Variants in COLEC12 observed in about 807,000 individuals in gnomAD.
COLEC12 encodes collectin subfamily member 12, also known as collectin-12.
Under a neutral mutation model 71.1 loss-of-function variants are expected in COLEC12, and 33 were observed. That is an observed-to-expected ratio of 0.46 (90% CI 0.35 to 0.62). The LOEUF (loss-of-function observed/expected upper bound fraction) is 0.62. COLEC12 is among the 20% of genes least tolerant of loss of function. The probability of loss-of-function intolerance (pLI) is 0.00; values close to 1 mark genes in which losing one functional copy is unlikely to be tolerated. For synonymous variants in COLEC12, 350 were observed against 353.0 expected (o/e 0.99, Z 0.10); for missense variants, 765 against 916.1 (o/e 0.84, Z 2.13).
intron 2 of COLEC12, among the ~76,000 whole-genome samples, chr18:426,446 A>G (rs893001547): frequency 5.3e-5 from 8 of 152,162 alleles, no homozygotes; most frequent in African/African-American, 1.9e-4. Context: ...TTACTCATAG[A>G]CATGAGTAAA....
At chr18:382,770 T>G (rs1915262052) in intron 2 of COLEC12, among the ~76,000 whole-genome samples, 1 of 152,158 alleles carries the variant, frequency 6.6e-6, no homozygotes, top group Admixed American at 6.5e-5. Context: ...TCTTTTCTCC[T>G]TTTTGCTGAT....
At chr18:336,103 A>T (rs1914113063) in intron 5 of COLEC12, among the ~76,000 whole-genome samples, 1 of 152,228 alleles carries the variant, frequency 6.6e-6, no homozygotes, top group Non-Finnish European at 1.5e-5. Context: ...AAGGAGATTG[A>T]TGTATTAATT....
chr18:392,956 A>T (rs2143593861), intron 2 of COLEC12, among the ~76,000 whole-genome samples: 1 of 152,366 alleles, frequency 6.6e-6, no homozygotes, highest in South Asian at 2.1e-4. Context: ...GCTCAAGTTC[A>T]TTGCCTGCTA....
At chr18:496,314 T>G (rs956582656) in intron 1 of COLEC12, among the ~76,000 whole-genome samples, 14 of 152,282 alleles carry the variant, frequency 9.2e-5, no homozygotes, top group Admixed American at 5.9e-4. Context: ...GGAAATTGCA[T>G]AGGAGACCAC....
intron 2 of COLEC12, among the ~76,000 whole-genome samples, chr18:440,398 CACAT>C (rs1426464074): frequency 3.2e-4 from 49 of 151,926 alleles, no homozygotes; most frequent in Admixed American, 1.2e-3. Flanking sequence ...CACACACACA[CACAT>C]ACACAGGTAA....
intron 2 of COLEC12, among the ~76,000 whole-genome samples, chr18:360,832 A>C (rs1914728809): frequency 6.6e-6 from 1 of 152,084 alleles, no homozygotes; most frequent in Non-Finnish European, 1.5e-5. Context: ...AGAGTAAATA[A>C]ACTTGTTTAT....
intron 2 of COLEC12, among the ~76,000 whole-genome samples, chr18:376,054 G>C (rs1915106419): frequency 6.6e-6 from 1 of 152,182 alleles, no homozygotes; most frequent in Non-Finnish European, 1.5e-5. Flanking sequence ...CTGGCAGAGA[G>C]AGGATTCAAA....
intron 2 of COLEC12, among the ~76,000 whole-genome samples, chr18:442,724 G>A (rs745308949): frequency 2.0e-5 from 3 of 152,246 alleles, no homozygotes; most frequent in Non-Finnish European, 4.4e-5. Context: ...TACTTTGGGA[G>A]GCCAAGGCAG....
In COLEC12 at chr18:408,994, A is replaced by C. The variant is rs937377000; in HGVS notation, c.59-51472T>G. Among the ~76,000 whole-genome samples, 1 of 151,772 alleles carries C rather than the reference A, an allele frequency of 6.6e-6. No homozygotes were observed. Among genetic ancestry groups the C allele is most frequent in the African/African-American group, 2.4e-5 (1 of 41,250 alleles). On this transcript the variant is annotated intron_variant, in intron 2 of 9. Transcript: ENST00000400256. The surrounding 1 kb of genome is among the most constrained non-coding windows in gnomAD (Gnocchi z 4.3). ...ATTACAGGCACATACCACCACGCCT[A>C]GCTAAATTTTGTATTTTTTTTTGGA...
intron 2 of COLEC12, among the ~76,000 whole-genome samples, chr18:394,378 G>A (rs973074272): frequency 2.0e-5 from 3 of 152,252 alleles, no homozygotes; most frequent in Non-Finnish European, 4.4e-5. Context: ...AAGTGGGAAT[G>A]ATGCTATCAC....
chr18:400,704 A>G lies in COLEC12; in HGVS notation c.59-43182T>C, dbSNP rs182358605. ...TGTGATGGATGTTTATGACTGTTGG[A>G]ATGTGTCTTCAATCATCACAGAAAT... On this transcript the variant is annotated intron_variant, in intron 2 of 9. Coordinates refer to ENST00000400256, the MANE Select transcript of COLEC12 (RefSeq NM_130386.3). Among the ~76,000 whole-genome samples the G allele has an allele frequency of 1.5e-3, 232 of 152,306 alleles. 2 individuals carry two copies. Among genetic ancestry groups the G allele is most frequent in the South Asian group, 8.7e-3 (42 of 4,824 alleles).
Position 347,175 on chromosome 18 carries a change from C to G in COLEC12, c.447G>C (p.Arg149Ser), listed in dbSNP as rs1324807689. 1.2e-6 allele frequency: 2 copies of G among 1,614,170 alleles called. No homozygotes were observed. Among genetic ancestry groups the G allele is most frequent in the Middle Eastern group, 1.7e-4 (1 of 6,060 alleles). Reference protein sequence around the residue: ...LQASGDALVDRQSQLKETLEN... With the variant: ...LQASGDALVDSQSQLKETLEN... ...CCAAAGTTTCTTTCAATTGACTCTGCCTGTCCACCAGAGCATCCCCGCTCG... is the reference window on the plus strand; with the variant it reads ...CCAAAGTTTCTTTCAATTGACTCTGGCTGTCCACCAGAGCATCCCCGCTCG... Residue 149 changes from arginine (R) to serine (S), a missense_variant, in exon 5 of 10, where the codon AGG becomes AGC. Coordinates refer to ENST00000400256, the MANE Select transcript of COLEC12 (RefSeq NM_130386.3).
intron 2 of COLEC12, among the ~76,000 whole-genome samples, chr18:478,606 C>T (rs772207791): frequency 6.6e-4 from 101 of 152,272 alleles, no homozygotes; most frequent in Non-Finnish European, 1.1e-3. Flanking sequence ...GAGCAAGACT[C>T]TGTCTCAAAA....
chr18:415,087 T>C (rs552361693), intron 2 of COLEC12, among the ~76,000 whole-genome samples: 15 of 152,358 alleles, frequency 9.8e-5, no homozygotes, highest in Admixed American at 3.3e-4. Flanking sequence ...AGCTATTATT[T>C]ATGTCACCAG....
chr18:413,419 C>G (rs1177008699), intron 2 of COLEC12, among the ~76,000 whole-genome samples: 2 of 152,210 alleles, frequency 1.3e-5, no homozygotes, highest in African/African-American at 4.8e-5. Context: ...ATGGTACAGT[C>G]ACTCTGGAAA....
At chr18:383,843 G>GA (rs1915286482) in intron 2 of COLEC12, among the ~76,000 whole-genome samples, 6 of 152,296 alleles carry the variant, frequency 3.9e-5, no homozygotes, top group Admixed American at 2.6e-4. Flanking sequence ...GTTCCACATG[G>GA]CTGGGGAGAC....
At chr18:369,262 T>C (rs1351957249) in intron 2 of COLEC12, among the ~76,000 whole-genome samples, 2 of 152,150 alleles carry the variant, frequency 1.3e-5, no homozygotes, top group African/African-American at 4.8e-5. Context: ...ATCCATTGCA[T>C]TTAAACAAGT....
At chr18:364,178 GTTT>G in intron 2 of COLEC12, among the ~76,000 whole-genome samples, 1 of 151,680 alleles carries the variant, frequency 6.6e-6, no homozygotes, top group South Asian at 2.1e-4. Context: ...TGGTTTTATT[GTTT>G]TTTTTAAGAT....
intron 2 of COLEC12, among the ~76,000 whole-genome samples, chr18:390,149 C>T (rs1052088492): frequency 1.3e-5 from 2 of 152,198 alleles, no homozygotes; most frequent in African/African-American, 4.8e-5. Context: ...AAGTGCTTTG[C>T]CCAGCAGGGG....
Sources: allele counts gnomAD v4.1 joint callset (sites outside exome capture counted in the v4.1 genomes callset), GRCh38; gene constraint gnomAD v4.1.1; non-coding constraint Gnocchi (gnomAD v3.1); transcripts MANE v1.5; gene names NCBI Gene and HGNC (gene_info 2026-07-23, HGNC 2026-07-21).